CACNB2: variants seen among roughly 807,000 people sequenced by gnomAD.
The protein encoded by CACNB2 is voltage-dependent L-type calcium channel subunit beta-2.
A neutral mutation model predicts 73.3 loss-of-function variants in CACNB2; 42 were observed. The observed-to-expected ratio is 0.57, with a 90% confidence interval of 0.45 to 0.74. The LOEUF is 0.74. Among genes scored for constraint, CACNB2 ranks in the 30% least tolerant of loss-of-function variants. CACNB2 has a pLI of 0.00. For missense variants in CACNB2, 940 were observed against 853.0 expected, an observed-to-expected ratio of 1.10 and a Z score of -1.27; for synonymous variants, 348 against 310.3, an observed-to-expected ratio of 1.12 and a Z score of -1.28.
intron 2 of CACNB2, among the ~76,000 whole-genome samples, chr10:18,319,008 A>G (rs1254587815): frequency 6.6e-6 from 1 of 152,228 alleles, no homozygotes; most frequent in Non-Finnish European, 1.5e-5. Context: ...GGGAATGTAA[A>G]TTAGTTCAAC....
intron 3 of CACNB2, among the ~76,000 whole-genome samples, chr10:18,414,483 CT>C (rs11384501): frequency 0.012 from 1,621 of 131,912 alleles, 8 homozygotes; most frequent in African/African-American, 0.036. Flanking sequence ...TTACTACTAC[CT>C]TTTTTTTTTT....
intron 2 of CACNB2, among the ~76,000 whole-genome samples, chr10:18,211,086 T>C (rs532518747): frequency 6.6e-6 from 1 of 152,326 alleles, no homozygotes; most frequent in Non-Finnish European, 1.5e-5. Context: ...CCTCCATGAC[T>C]ATTAGCTATT....
In CACNB2 at chr10:18,480,988, G is replaced by A. The variant is rs189767285; in HGVS notation, c.334-17367G>A. On this transcript the variant is annotated intron_variant, in intron 3 of 13. Transcript: ENST00000324631. The stretch of plus-strand genomic sequence containing the variant: ...AGACCCCTCTTACGTACCCCTTGAG[G>A]TCCTCTCAGCCTCACCTATCTGTTC... 1.6e-3 allele frequency among the ~76,000 whole-genome samples: 249 copies of A among 151,134 alleles called. 1 individual carries two copies. The highest frequency in any genetic ancestry group is 5.8e-3 in the Admixed American group (87 of 15,108).
chr10:18,388,484 C>G (rs1474670099), intron 2 of CACNB2, among the ~76,000 whole-genome samples: 1 of 152,072 alleles, frequency 6.6e-6, no homozygotes, highest in Non-Finnish European at 1.5e-5. Flanking sequence ...CTTTCCAGTG[C>G]TTTATTTCTG....
At chr10:18,383,136 G>A (rs557866076) in intron 2 of CACNB2, among the ~76,000 whole-genome samples, 3 of 152,264 alleles carry the variant, frequency 2.0e-5, no homozygotes, top group South Asian at 2.1e-4. Context: ...CTTAACAGCC[G>A]GTGTCATCCA....
At chr10:18,239,248 A>G (rs935685530) in intron 2 of CACNB2, among the ~76,000 whole-genome samples, 1 of 152,266 alleles carries the variant, frequency 6.6e-6, no homozygotes, top group South Asian at 2.1e-4. Context: ...CTAGGCTTTT[A>G]GTGTAACCAT....
rs139749312 is a variant in CACNB2, at chr10:18,534,199, T to C, written c.1178T>C (p.Ile393Thr). The part of the protein sequence containing the change: ...QLSKTSLAPI[I>T]VYVKISSPKV... ...AGTAAAACCTCCTTGGCCCCTATTA[T>C]AGTATATGTAAAGATTTCTTCTCCT... Residue 393 changes from isoleucine to threonine, a missense_variant, in exon 11 of 14, where the codon ATA becomes ACA. Physicochemically the swap from Ile to Thr is moderately conservative, Grantham distance 89. Coordinates refer to ENST00000324631, the MANE Select transcript of CACNB2 (RefSeq NM_201596.3). 2.8e-5 allele frequency: 45 copies of C among 1,613,286 alleles called. No homozygotes were observed. Among genetic ancestry groups the C allele is most frequent in the African/African-American group, 4.0e-5 (3 of 74,910 alleles).
At chr10:18,261,435 C>A in intron 2 of CACNB2, 2 of 1,352,308 alleles carry the variant, frequency 1.5e-6, no homozygotes, top group Non-Finnish European at 2.1e-6. Flanking sequence ...ACCAGACAGT[C>A]GATCATTTCG....
At chr10:18,400,224 T>C (rs2043921023) in intron 2 of CACNB2, among the ~76,000 whole-genome samples, 1 of 152,222 alleles carries the variant, frequency 6.6e-6, no homozygotes, top group South Asian at 2.1e-4. Context: ...CTGATGAGCA[T>C]TATTTGATTT....
At chr10:18,218,398 G>C (rs2035597043) in intron 2 of CACNB2, among the ~76,000 whole-genome samples, 1 of 152,120 alleles carries the variant, frequency 6.6e-6, no homozygotes, top group Admixed American at 6.5e-5. Context: ...AGTATAGATT[G>C]TTCACAATCT....
chr10:18,433,122 TTG>T (rs1392305960), intron 3 of CACNB2, among the ~76,000 whole-genome samples: 2 of 51,710 alleles, frequency 3.9e-5, no homozygotes, highest in South Asian at 8.0e-4. Flanking sequence ...TATGCGTGTA[TTG>T]ATATATATAT....
intron 2 of CACNB2, among the ~76,000 whole-genome samples, chr10:18,310,117 G>A (rs900672459): frequency 4.0e-5 from 6 of 151,326 alleles, no homozygotes; most frequent in East Asian, 1.9e-4. Context: ...TTCAACTTGC[G>A]TGCTACAGGT....
chr10:18,424,570 C>CT (rs2045501417), intron 3 of CACNB2, among the ~76,000 whole-genome samples: 1 of 152,150 alleles, frequency 6.6e-6, no homozygotes, highest in Admixed American at 6.5e-5. Flanking sequence ...CCCCCACCTC[C>CT]TACCTCAACC....
chr10:18,152,868 C>T lies in CACNB2; in HGVS notation c.213+1893C>T, dbSNP rs553884367. Among the ~76,000 whole-genome samples the T allele has an allele frequency of 4.6e-4, 70 of 151,754 alleles. 1 individual carries two copies. Among genetic ancestry groups the T allele is most frequent in the Admixed American group, 1.7e-3 (26 of 15,218 alleles). ...ATAAGCAAGACATAATGAATAGAAA[C>T]GAACAGTGTAGAACCCGTTATTAGT... On this transcript the variant is annotated intron_variant, in intron 2 of 13. Transcript: ENST00000324631.
intron 2 of CACNB2, among the ~76,000 whole-genome samples, chr10:18,226,162 G>C (rs1391973481): frequency 6.6e-6 from 1 of 151,942 alleles, no homozygotes; most frequent in Non-Finnish European, 1.5e-5. Flanking sequence ...TGGTAGCTGG[G>C]ACTACAGGTG....
chr10:18,539,767 T>C lies in CACNB2; in HGVS notation c.*43T>C, dbSNP rs1452715977. 1 of 1,567,322 alleles carries C rather than the reference T, an allele frequency of 6.4e-7. No individual in the cohort carries two copies. The highest frequency in any genetic ancestry group is 1.2e-5 in the South Asian group (1 of 85,664). On this transcript the variant is annotated 3_prime_UTR_variant, in exon 14 of 14. Coordinates refer to ENST00000324631, the MANE Select transcript of CACNB2 (RefSeq NM_201596.3). ...TTTTTTTTTTTTTTTTTTGAAGTCTTGTATAACTAACAGCATCCCCAAAAC... is the reference window on the plus strand; with the variant it reads ...TTTTTTTTTTTTTTTTTTGAAGTCTCGTATAACTAACAGCATCCCCAAAAC...
Position 18,393,173 on chromosome 10 carries a change from T to C in CACNB2, c.214-8751T>C, listed in dbSNP as rs181695512. ...GCAGTGAGCCGGGATCGCCCCATTGTACTCCAGCCTGGATGACTCCATGTC... is the reference window on the plus strand; with the variant it reads ...GCAGTGAGCCGGGATCGCCCCATTGCACTCCAGCCTGGATGACTCCATGTC... On this transcript the variant is annotated intron_variant, in intron 2 of 13. Coordinates refer to ENST00000324631, the MANE Select transcript of CACNB2 (RefSeq NM_201596.3). Among the ~76,000 whole-genome samples, 83 of 105,038 alleles carry C rather than the reference T, an allele frequency of 7.9e-4. 1 individual carries two copies. The highest frequency in any genetic ancestry group is 2.7e-3 in the African/African-American group (81 of 30,432). 68.9% of individuals were successfully genotyped at this position (105,038 alleles called of 152,430 possible). A position where few individuals can be genotyped will look rare whatever the true frequency, so the allele number is the denominator to read the frequency against.
intron 2 of CACNB2, among the ~76,000 whole-genome samples, chr10:18,389,087 T>A (rs554820661): frequency 8.5e-5 from 13 of 152,324 alleles, no homozygotes; most frequent in African/African-American, 3.1e-4. Flanking sequence ...AGAATTTAAC[T>A]GAACTCCCAA....
At chr10:18,418,032 C>G (rs1316088253) in intron 3 of CACNB2, among the ~76,000 whole-genome samples, 3 of 152,134 alleles carry the variant, frequency 2.0e-5, no homozygotes, top group South Asian at 2.1e-4. Context: ...GATTAGGAGA[C>G]TGCTGTAGTG....
Sources: allele counts gnomAD v4.1 joint callset (sites outside exome capture counted in the v4.1 genomes callset), GRCh38; gene constraint gnomAD v4.1.1; transcripts MANE v1.5; gene names NCBI Gene and HGNC (gene_info 2026-07-23, HGNC 2026-07-21).